The following SLC25A21 variants were observed in gnomAD, a reference collection of about 807,000 sequenced individuals.
The protein encoded by SLC25A21 is mitochondrial 2-oxodicarboxylate carrier.
A neutral mutation model predicts 43.8 loss-of-function variants in SLC25A21; 47 were observed. That is an observed-to-expected ratio of 1.07 (90% CI 0.85 to 1.37). The LOEUF is 1.37. Ranked by LOEUF, SLC25A21 falls within the 40% of genes most tolerant of loss-of-function variation. The pLI is 0.00. For synonymous variants in SLC25A21, 131 were observed against 121.3 expected (o/e 1.08, Z -0.52); for missense variants, 352 against 350.2 (o/e 1.00, Z -0.04).
chr14:37,169,162 T>C (rs927956087), intron 1 of SLC25A21, among the ~76,000 whole-genome samples: 3 of 152,168 alleles, frequency 2.0e-5, no homozygotes, highest in Admixed American at 1.3e-4. Context: ...TGTTCAGTGC[T>C]GACTGTGGTG....
intron 1 of SLC25A21, among the ~76,000 whole-genome samples, chr14:36,891,962 A>C (rs965581725): frequency 2.0e-5 from 3 of 152,200 alleles, no homozygotes; most frequent in African/African-American, 7.2e-5. Context: ...TACATGAAAG[A>C]GAAATAAGCT....
intron 1 of SLC25A21, among the ~76,000 whole-genome samples, chr14:37,144,337 A>G (rs914821117): frequency 1.6e-4 from 24 of 152,242 alleles, no homozygotes; most frequent in African/African-American, 5.5e-4. Context: ...TATGCAATTT[A>G]ACACCTCAGA....
chr14:36,989,676 T>G (rs75389928), intron 1 of SLC25A21, among the ~76,000 whole-genome samples: 2,990 of 152,216 alleles, frequency 0.02, 98 homozygotes, highest in African/African-American at 0.068. Context: ...TGGGGCCATG[T>G]TGGGAAACAC....
intron 1 of SLC25A21, among the ~76,000 whole-genome samples, chr14:37,139,646 A>G (rs917373449): frequency 2.0e-5 from 3 of 152,196 alleles, no homozygotes; most frequent in Non-Finnish European, 4.4e-5. Context: ...TGAATCTTCA[A>G]GAAGAACTAA....
At chr14:36,746,897 G>C (rs1421418745) in intron 3 of SLC25A21, among the ~76,000 whole-genome samples, 2 of 152,084 alleles carry the variant, frequency 1.3e-5, no homozygotes, top group Admixed American at 1.3e-4. Context: ...ACAAAATGTT[G>C]ATATTGTACC....
intron 1 of SLC25A21, among the ~76,000 whole-genome samples, chr14:36,927,320 CG>C (rs796670166): frequency 2.0e-4 from 31 of 152,230 alleles, no homozygotes; most frequent in African/African-American, 7.5e-4. Flanking sequence ...TTCATAAAAC[CG>C]TATTTTAGAC....
intron 1 of SLC25A21, among the ~76,000 whole-genome samples, chr14:37,025,808 G>A (rs901679840): frequency 4.6e-5 from 7 of 152,070 alleles, no homozygotes; most frequent in Non-Finnish European, 4.4e-5. Flanking sequence ...TTCCTTGCTG[G>A]AGATGCAATT....
chr14:37,068,650 T>A (rs1347794883), intron 1 of SLC25A21, among the ~76,000 whole-genome samples: 1 of 152,210 alleles, frequency 6.6e-6, no homozygotes. Flanking sequence ...TAGATGCTAA[T>A]AATTCAGTGC....
intron 6 of SLC25A21, among the ~76,000 whole-genome samples, chr14:36,715,375 A>G (rs544169559): frequency 2.0e-5 from 3 of 152,368 alleles, no homozygotes; most frequent in East Asian, 1.9e-4. Context: ...TTTTGACTAG[A>G]TATCTGTAAA....
intron 1 of SLC25A21, among the ~76,000 whole-genome samples, chr14:37,039,178 G>A (rs181614458): frequency 7.2e-5 from 11 of 152,218 alleles, no homozygotes; most frequent in African/African-American, 2.2e-4. Context: ...CTGCCTTTTC[G>A]CCTAATCATT....
chr14:36,764,143 G>GGAAAGAAGGAAAGAAGGAAAGAAAGAAA (rs1555326633), intron 3 of SLC25A21, among the ~76,000 whole-genome samples: 1 of 33,802 alleles, frequency 3.0e-5, no homozygotes, highest in African/African-American at 1.1e-4. Context: ...AAGGAAAGAA[G>GGAAAGAAGGAAAGAAGGAAAGAAAGAAA]GAAAGAAAGA....
rs1328958946 is a variant in SLC25A21, at chr14:36,680,256, A to AATT, written c.*399_*401dup. 1.1e-6 allele frequency: 1 copy of AATT among 950,216 alleles called. No homozygotes were observed. Among genetic ancestry groups the AATT allele is most frequent in the African/African-American group, 1.8e-5 (1 of 56,122 alleles). 58.9% of individuals were successfully genotyped at this position (950,216 alleles called of 1,614,324 possible). A position where few individuals can be genotyped will look rare whatever the true frequency, so the allele number is the denominator to read the frequency against. ...CTTTTTTTTAATCCAGTCTTTGAAT[A>AATT]ATTTGATTTATTTTCAATAGTTTAA... On this transcript the variant is annotated 3_prime_UTR_variant, in exon 10 of 10. Transcript: ENST00000331299.
At chr14:36,814,038 G>C (rs1344697950) in intron 2 of SLC25A21, 37 bp from the exon 3 acceptor site, 2 of 1,458,866 alleles carry the variant, frequency 1.4e-6, no homozygotes, top group Non-Finnish European at 1.9e-6. Context: ...CTAAGTTAAA[G>C]ATTTTGCCAA....
chr14:36,827,404 C>A (rs145587358), intron 2 of SLC25A21, among the ~76,000 whole-genome samples: 14 of 152,302 alleles, frequency 9.2e-5, no homozygotes, highest in African/African-American at 3.4e-4. Context: ...ACTAAGCCCA[C>A]TCTTACTCAT....
chr14:36,960,722 T>C (rs1442163557), intron 1 of SLC25A21, among the ~76,000 whole-genome samples: 1 of 152,150 alleles, frequency 6.6e-6, no homozygotes, highest in East Asian at 1.9e-4. Flanking sequence ...AATGTAAAGC[T>C]GTGGCCTGTA....
intron 1 of SLC25A21, among the ~76,000 whole-genome samples, chr14:37,120,363 AC>A (rs535522545): frequency 8.7e-4 from 132 of 152,360 alleles, no homozygotes; most frequent in African/African-American, 3.0e-3. Flanking sequence ...AATACGTCTT[AC>A]AAAGTTACTA....
intron 1 of SLC25A21, among the ~76,000 whole-genome samples, chr14:37,014,853 A>G (rs1015206450): frequency 1.3e-5 from 2 of 152,096 alleles, no homozygotes; most frequent in African/African-American, 4.8e-5. Flanking sequence ...ATACACCTCA[A>G]TTAAGGCTCT....
chr14:37,032,309 G>C (rs1961230733), intron 1 of SLC25A21, among the ~76,000 whole-genome samples: 1 of 152,110 alleles, frequency 6.6e-6, no homozygotes. Flanking sequence ...GCTGAGGCTG[G>C]TGGATCACGA....
Position 36,678,191 on chromosome 14 carries a change from G to A in SLC25A21, c.*2467C>T, listed in dbSNP as rs553549946. ...TGCGGTTCCACCACATCGGTTTCGT[G>A]GCTTCGTTTAAAACTCAGATGGCTA... On this transcript the variant is annotated 3_prime_UTR_variant, in exon 10 of 10. Transcript: ENST00000331299. 4.7e-4 allele frequency: 214 copies of A among 459,764 alleles called. 1 individual carries two copies. Among genetic ancestry groups the A allele is most frequent in the African/African-American group, 3.8e-3 (195 of 51,586 alleles). The allele number at this position is 459,764 out of a possible 1,614,324, so 28.5% of individuals were successfully genotyped here. A position where few individuals can be genotyped will look rare whatever the true frequency, so the allele number is the denominator to read the frequency against.
Sources: gnomAD v4.1 joint callset for allele counts (sites outside exome capture counted in the v4.1 genomes callset) on GRCh38, gnomAD v4.1.1 for gene constraint, MANE v1.5 for transcripts, NCBI Gene and HGNC (gene_info 2026-07-23, HGNC 2026-07-21) for gene names.